The following RIGI variants were observed in gnomAD, a reference collection of about 807,000 sequenced individuals.
The protein encoded by RIGI is antiviral innate immune response receptor RIG-I.
chr9:32,525,293 C>A, the RIGI span, among the ~76,000 whole-genome samples: 1 of 152,166 alleles, frequency 6.6e-6, no homozygotes, highest in Non-Finnish European at 1.5e-5. Context: ...CCCCTAGGTC[C>A]GTGCGGGTTA....
chr9:32,494,166 A>C, the RIGI span, among the ~76,000 whole-genome samples: 879 of 152,320 alleles, frequency 5.8e-3, 10 homozygotes, highest in South Asian at 0.044. Flanking sequence ...GGGAAAAAGT[A>C]CTAAGGAAAA....
At chr9:32,477,096 G>A in the RIGI span, 1 of 1,614,014 alleles carries the variant, frequency 6.2e-7, no homozygotes, top group Non-Finnish European at 8.5e-7. Context: ...TCATTGCTGG[G>A]ATCCCTGGAA....
At chr9:32,508,129 A>G in the RIGI span, among the ~76,000 whole-genome samples, 1 of 151,842 alleles carries the variant, frequency 6.6e-6, no homozygotes, top group Admixed American at 6.6e-5. Context: ...GAAAATGGTA[A>G]TATTTTAAGT....
At chr9:32,502,360 G>C in the RIGI span, among the ~76,000 whole-genome samples, 2 of 152,154 alleles carry the variant, frequency 1.3e-5, no homozygotes, top group African/African-American at 4.8e-5. Flanking sequence ...CATTTCTCTT[G>C]AGTACACACA....
chr9:32,490,274 G>C, the RIGI span, among the ~76,000 whole-genome samples: 1 of 152,208 alleles, frequency 6.6e-6, no homozygotes, highest in African/African-American at 2.4e-5. Context: ...CTACTTGGGA[G>C]ACTGAGGCAG....
chr9:32,525,880 C>T, the RIGI span, among the ~76,000 whole-genome samples: 1 of 152,196 alleles, frequency 6.6e-6, no homozygotes, highest in African/African-American at 2.4e-5. Context: ...AGTTTCCCCA[C>T]CTAGGCCTCC....
chr9:32,520,840 GCTCAGGCCGGGGCTGGTGA>G, the RIGI span, among the ~76,000 whole-genome samples: 5,777 of 38,254 alleles, frequency 0.15, 352 homozygotes, highest in African/African-American at 0.32. Context: ...GGGCGTGGTG[GCTCAGGCCGGGGCTGGTGA>G]CTCAGGCCGG....
chr9:32,524,307 T>A, the RIGI span, among the ~76,000 whole-genome samples: 1 of 152,220 alleles, frequency 6.6e-6, no homozygotes, highest in Non-Finnish European at 1.5e-5. Flanking sequence ...CACGAGTTGC[T>A]TATTTTATTC....
chr9:32,525,366 G>GACCAC, the RIGI span, among the ~76,000 whole-genome samples: 1 of 152,144 alleles, frequency 6.6e-6, no homozygotes, highest in Non-Finnish European at 1.5e-5. Flanking sequence ...CAGCGTGAGG[G>GACCAC]ACCACGCCCG....
At chr9:32,463,330 TC>T in the RIGI span, among the ~76,000 whole-genome samples, 5 of 152,198 alleles carry the variant, frequency 3.3e-5, no homozygotes, top group African/African-American at 1.2e-4. Context: ...AGAATTGAAA[TC>T]CCTGGGTTAT....
chr9:32,465,289 C>T, the RIGI span, among the ~76,000 whole-genome samples: 1 of 152,168 alleles, frequency 6.6e-6, no homozygotes, highest in African/African-American at 2.4e-5. Context: ...GACTAGTAAA[C>T]ATTGACAAAG....
chr9:32,485,888 G>A, the RIGI span, among the ~76,000 whole-genome samples: 1 of 151,928 alleles, frequency 6.6e-6, no homozygotes, highest in East Asian at 1.9e-4. Flanking sequence ...CTGATGAGGC[G>A]GGCATCTCTC....
At chr9:32,466,503 A>G in the RIGI span, 4 of 1,417,300 alleles carry the variant, frequency 2.8e-6, no homozygotes, top group African/African-American at 2.9e-5. Flanking sequence ...TAATCTGCAA[A>G]TAGGTAAACA....
At chr9:32,491,196 T>C in the RIGI span, 1 of 1,336,270 alleles carries the variant, frequency 7.5e-7, no homozygotes, top group Non-Finnish European at 1.0e-6. Context: ...TAATTTTCCT[T>C]ACAAAACTTT....
chr9:32,492,558 T>C, the RIGI span: 1 of 1,613,026 alleles, frequency 6.2e-7, no homozygotes, highest in Non-Finnish European at 8.5e-7. Flanking sequence ...GTAACTGTAG[T>C]TTATTGATCA....
chr9:32,492,571 T>C, the RIGI span: 9 of 1,610,910 alleles, frequency 5.6e-6, no homozygotes, highest in African/African-American at 1.1e-4. Context: ...ATTGATCAAT[T>C]ATCTCAAAAG....
At chr9:32,481,620 C>T in the RIGI span, 2 of 703,770 alleles carry the variant, frequency 2.8e-6, no homozygotes, top group South Asian at 2.0e-5. Context: ...GAGTCTCGCT[C>T]TGATGCCCAG....
At chr9:32,460,775 A>C in the RIGI span, among the ~76,000 whole-genome samples, 1 of 95,368 alleles carries the variant, frequency 1.0e-5, no homozygotes, top group African/African-American at 4.3e-5. Flanking sequence ...TACACTGGGG[A>C]AAAAAAAAGC....
chr9:32,509,657 G>GA, the RIGI span, among the ~76,000 whole-genome samples: 28 of 151,956 alleles, frequency 1.8e-4, no homozygotes, highest in East Asian at 5.3e-3. Context: ...CAAAAAGGCA[G>GA]AAAAAAAATG....
Sources: allele counts gnomAD v4.1 joint callset (sites outside exome capture counted in the v4.1 genomes callset), GRCh38; gene constraint gnomAD v4.1.1; transcripts MANE v1.5; gene names NCBI Gene and HGNC (gene_info 2026-07-23, HGNC 2026-07-21).